Variants in EIF4G3 observed in about 807,000 individuals in gnomAD.
EIF4G3 encodes the protein eukaryotic translation initiation factor 4 gamma 3.
In EIF4G3, 34 loss-of-function variants were observed where a neutral mutation model predicts 186.4. That is an observed-to-expected ratio of 0.18 (90% CI 0.14 to 0.24). EIF4G3 has a LOEUF of 0.24. Ranked by LOEUF, EIF4G3 falls within the 10% of genes least tolerant of loss-of-function variation. EIF4G3 has a pLI of 1.00. For missense variants in EIF4G3, 1,536 were observed against 1,948.5 expected (o/e 0.79, Z 3.99); for synonymous variants, 673 against 679.5 (o/e 0.99, Z 0.15).
chr1:20,911,399 C>G (rs1306058840), intron 14 of EIF4G3, among the ~76,000 whole-genome samples: 1 of 151,368 alleles, frequency 6.6e-6, no homozygotes, highest in Non-Finnish European at 1.5e-5. Context: ...GAGACCTCTA[C>G]AAAAAATTAA....
intron 14 of EIF4G3, among the ~76,000 whole-genome samples, chr1:20,913,539 C>T (rs772898619): frequency 2.6e-5 from 4 of 152,092 alleles, no homozygotes; most frequent in African/African-American, 9.7e-5. Context: ...CTAAAAACAA[C>T]GAAGCCAGAT....
At position 20,870,987 on chromosome 1, in the gene EIF4G3, G is replaced by C. The variant is rs76506285; in HGVS notation, c.2623-5725C>G. On this transcript the variant is annotated intron_variant, in intron 20 of 36. Transcript: ENST00000602326. Reference sequence around the variant, plus strand: ...TGTACATATGTATCTGTATGTGTGTGTATACAGTACTACAGAGCAACGAGG... The same window carrying C: ...TGTACATATGTATCTGTATGTGTGTCTATACAGTACTACAGAGCAACGAGG... 2.0e-4 allele frequency among the ~76,000 whole-genome samples: 30 copies of C among 152,254 alleles called. No homozygotes were observed. In the East Asian group the frequency reaches 5.4e-3, roughly 27 times the overall value.
chr1:20,889,636 G>GC (rs368769059), intron 18 of EIF4G3, among the ~76,000 whole-genome samples: 1 of 151,958 alleles, frequency 6.6e-6, no homozygotes, highest in African/African-American at 2.4e-5. Flanking sequence ...GACTACAGGC[G>GC]CCCGCCACCA....
intron 32 of EIF4G3, among the ~76,000 whole-genome samples, chr1:20,826,324 G>A (rs2063612422): frequency 6.6e-6 from 1 of 151,698 alleles, no homozygotes; most frequent in Non-Finnish European, 1.5e-5. Context: ...CTGTCACCAT[G>A]CCTGGCTAAT....
chr1:20,853,012 A>G (rs1052249674), intron 27 of EIF4G3, among the ~76,000 whole-genome samples: 16 of 152,298 alleles, frequency 1.1e-4, no homozygotes, highest in Non-Finnish European at 2.1e-4. Flanking sequence ...AGCTTAAAGA[A>G]ACTTCAATTC....
chr1:21,143,930 G>GA (rs1166355292), intron 2 of EIF4G3, among the ~76,000 whole-genome samples: 6 of 152,148 alleles, frequency 3.9e-5, no homozygotes, highest in African/African-American at 1.2e-4. Context: ...TCCAAAAAAA[G>GA]AAAAAACTTA....
At chr1:20,934,547 G>A (rs1206917540) in intron 14 of EIF4G3, among the ~76,000 whole-genome samples, 1 of 152,146 alleles carries the variant, frequency 6.6e-6, no homozygotes, top group Admixed American at 6.5e-5. Context: ...TCTCAATAAA[G>A]AAGGAGACGA....
At chr1:21,121,924 G>A (rs1447238740) in intron 2 of EIF4G3, among the ~76,000 whole-genome samples, 1 of 152,066 alleles carries the variant, frequency 6.6e-6, no homozygotes, top group Non-Finnish European at 1.5e-5. Context: ...ATTCAAAACA[G>A]CCTGTAAGGT....
chr1:20,912,812 T>C (rs1312258614), intron 14 of EIF4G3, among the ~76,000 whole-genome samples: 1 of 152,206 alleles, frequency 6.6e-6, no homozygotes, highest in Admixed American at 6.5e-5. Flanking sequence ...TTTGTCCCTC[T>C]AGAGTTCCTA....
At chr1:21,100,752 G>A (rs767540305) in intron 2 of EIF4G3, among the ~76,000 whole-genome samples, 7 of 143,102 alleles carry the variant, frequency 4.9e-5, no homozygotes, top group South Asian at 2.3e-4. Context: ...CTTATCCTGC[G>A]AATCTACACA....
intron 2 of EIF4G3, among the ~76,000 whole-genome samples, chr1:21,126,150 C>T (rs1003043323): frequency 1.3e-5 from 2 of 150,250 alleles, no homozygotes; most frequent in Non-Finnish European, 3.0e-5. Flanking sequence ...GAGGCTACAG[C>T]GAGCCATAAT....
chr1:20,827,308 T>C (rs1439490999), intron 32 of EIF4G3, among the ~76,000 whole-genome samples: 1 of 152,212 alleles, frequency 6.6e-6, no homozygotes, highest in Non-Finnish European at 1.5e-5. Context: ...GAGCTTTTCG[T>C]TGAAATCTAT....
intron 25 of EIF4G3, among the ~76,000 whole-genome samples, chr1:20,856,547 A>G (rs1407372770): frequency 6.6e-6 from 1 of 152,200 alleles, no homozygotes; most frequent in Admixed American, 6.5e-5. Flanking sequence ...ACTGCTGAAA[A>G]TACCTGCTAC....
chr1:20,831,407 A>C (rs191962022), intron 30 of EIF4G3, among the ~76,000 whole-genome samples: 8 of 151,966 alleles, frequency 5.3e-5, no homozygotes, highest in Non-Finnish European at 1.0e-4. Context: ...CCATTGCCAA[A>C]ACCAGAAAGG....
At chr1:21,029,105 C>T (rs1486416226) in intron 4 of EIF4G3, among the ~76,000 whole-genome samples, 1 of 152,038 alleles carries the variant, frequency 6.6e-6, no homozygotes, top group African/African-American at 2.4e-5. Context: ...GCAACCTCCA[C>T]CCCCTAGGTC....
chr1:20,841,172 GTT>G, intron 29 of EIF4G3, 144 bp from the exon 30 acceptor site: 2 of 762,248 alleles, frequency 2.6e-6, no homozygotes, highest in African/African-American at 1.8e-5. Flanking sequence ...GTTTATATTT[GTT>G]TAACATAATT....
intron 7 of EIF4G3, among the ~76,000 whole-genome samples, chr1:20,985,272 C>T (rs1001921623): frequency 6.6e-6 from 1 of 152,154 alleles, no homozygotes. Context: ...AAACAAATTT[C>T]TTCTACCTAC....
At chr1:20,915,148 G>A (rs2093714090) in intron 14 of EIF4G3, among the ~76,000 whole-genome samples, 1 of 152,116 alleles carries the variant, frequency 6.6e-6, no homozygotes, top group Non-Finnish European at 1.5e-5. Context: ...TCCTCATCAT[G>A]GGTCATATTG....
intron 15 of EIF4G3, among the ~76,000 whole-genome samples, chr1:20,904,317 G>A (rs1308333219): frequency 1.3e-5 from 2 of 152,060 alleles, no homozygotes; most frequent in East Asian, 3.9e-4. Flanking sequence ...GTTCTAGTTG[G>A]GGGAAGAGGA....
Sources: allele counts gnomAD v4.1 joint callset (sites outside exome capture counted in the v4.1 genomes callset), GRCh38; gene constraint gnomAD v4.1.1; transcripts MANE v1.5; gene names NCBI Gene and HGNC (gene_info 2026-07-23, HGNC 2026-07-21).